CNTNAP3: variants seen among roughly 807,000 people sequenced by gnomAD.
CNTNAP3 encodes contactin associated protein family member 3.
In CNTNAP3, 36 loss-of-function variants were observed where a neutral mutation model predicts 92.1. The ratio of observed to expected loss-of-function variants is 0.39; its 90% CI spans 0.30 to 0.52. The LOEUF (loss-of-function observed/expected upper bound fraction) is 0.52. CNTNAP3 is among the 20% of genes least tolerant of loss of function. The pLI is 0.76. For missense variants in CNTNAP3, 534 were observed against 1,069.6 expected (o/e 0.50, Z 6.98); for synonymous variants, 232 against 422.3 (o/e 0.55, Z 5.53).
At chr9:39,077,080 T>A (rs1564066452) in intron 23 of CNTNAP3, among the ~76,000 whole-genome samples, 1 of 152,276 alleles carries the variant, frequency 6.6e-6, no homozygotes, top group South Asian at 2.1e-4. Flanking sequence ...AACATATTTT[T>A]AAGCTATGCT....
chr9:39,105,254 C>T (rs775725827), intron 15 of CNTNAP3, among the ~76,000 whole-genome samples: 61 of 152,146 alleles, frequency 4.0e-4, no homozygotes, highest in African/African-American at 1.3e-3. Context: ...GGTGAAACCC[C>T]GTCTCTACTA....
intron 13 of CNTNAP3, among the ~76,000 whole-genome samples, chr9:39,119,417 T>G (rs1171009908): frequency 1.3e-5 from 2 of 151,638 alleles, no homozygotes; most frequent in Admixed American, 6.6e-5. Context: ...CAGGAATCTT[T>G]TAAAAATGTG....
At chr9:39,252,938 A>G (rs191176263) in intron 2 of CNTNAP3, among the ~76,000 whole-genome samples, 1 of 4,550 alleles carries the variant, frequency 2.2e-4, no homozygotes, top group Non-Finnish European at 0.018. Context: ...GTACTGACAT[A>G]TGTGTGTGTG....
At chr9:39,128,752 G>A (rs1159602816) in intron 13 of CNTNAP3, among the ~76,000 whole-genome samples, 1 of 151,692 alleles carries the variant, frequency 6.6e-6, no homozygotes, top group African/African-American at 2.4e-5. Flanking sequence ...TCTACTTGCA[G>A]ATGACATGAT....
chr9:39,083,596 T>G (rs1337428103), intron 21 of CNTNAP3, among the ~76,000 whole-genome samples: 1 of 149,500 alleles, frequency 6.7e-6, no homozygotes, highest in Non-Finnish European at 1.5e-5. Flanking sequence ...GAGGCGGAGG[T>G]TGCAGTGAGC....
chr9:39,108,240 G>A lies in CNTNAP3; in HGVS notation c.2365+920C>T, dbSNP rs193248425. Among the ~76,000 whole-genome samples the A allele has an allele frequency of 3.1e-3, 464 of 152,062 alleles. 4 individuals carry two copies. The highest frequency in any genetic ancestry group is 0.011 in the African/African-American group (450 of 41,466). On this transcript the variant is annotated intron_variant, in intron 15 of 23. Transcript: ENST00000297668. ...ATGAGGAGCCCCCAGACAAGGGTCC[G>A]GGACTCCTTCATCAAGCAGGAGACA...
intron 21 of CNTNAP3, among the ~76,000 whole-genome samples, chr9:39,081,746 CTG>C (rs1244734973): frequency 6.6e-6 from 1 of 151,994 alleles, no homozygotes; most frequent in Non-Finnish European, 1.5e-5. Context: ...GTCTTCTACA[CTG>C]TGCAATACGG....
In CNTNAP3 at chr9:39,140,601, T is replaced by G; in HGVS notation, c.1794A>C (p.Arg598=). Residue 598 remains arginine (R), a synonymous_variant, in exon 12 of 24, where the codon CGA becomes CGC. Coordinates refer to ENST00000297668, the MANE Select transcript of CNTNAP3 (RefSeq NM_033655.5). ...YEQSCEAHKH[R]GNPSGLYYID... ...TATAGTAAAGCCCAGACGGGTTCCC[T>G]CGGTGCTTGTGGGCTTCACAAGACT... 1.2e-6 allele frequency: 2 copies of G among 1,613,524 alleles called. No homozygotes were observed. Among genetic ancestry groups the G allele is most frequent in the Non-Finnish European group, 1.7e-6 (2 of 1,179,732 alleles).
At chr9:39,084,000 CA>C (rs1826007753) in intron 21 of CNTNAP3, among the ~76,000 whole-genome samples, 1 of 150,972 alleles carries the variant, frequency 6.6e-6, no homozygotes, top group Non-Finnish European at 1.5e-5. Flanking sequence ...GATTTTGGAC[CA>C]TTTTTTTCTA....
intron 12 of CNTNAP3, among the ~76,000 whole-genome samples, chr9:39,137,179 C>CG (rs1229832997): frequency 7.9e-5 from 12 of 151,540 alleles, no homozygotes; most frequent in African/African-American, 2.7e-4. Flanking sequence ...TTTCTTTTTG[C>CG]GGGGGGTTGG....
Position 39,095,436 on chromosome 9 carries a change from T to C in CNTNAP3, c.2995+4475A>G, listed in dbSNP as rs188830420. Among the ~76,000 whole-genome samples the C allele has an allele frequency of 1.7e-3, 264 of 151,398 alleles. 4 individuals carry two copies. Among genetic ancestry groups the C allele is most frequent in the Non-Finnish European group, 3.1e-3 (211 of 67,572 alleles). On this transcript the variant is annotated intron_variant, in intron 18 of 23. Transcript: ENST00000297668. ...CGGAAGCTTTCACCATTGAGTATGATGTTAATTGCAGGTTTTTCATATATG... is the reference window on the plus strand; with the variant it reads ...CGGAAGCTTTCACCATTGAGTATGACGTTAATTGCAGGTTTTTCATATATG...
intron 14 of CNTNAP3, among the ~76,000 whole-genome samples, chr9:39,116,275 T>TG: frequency 6.6e-6 from 1 of 152,294 alleles, no homozygotes; most frequent in African/African-American, 2.4e-5. Flanking sequence ...CTGTAGAGAA[T>TG]GGGGGTGGGG....
chr9:39,142,755 T>C (rs1318076550), intron 11 of CNTNAP3, among the ~76,000 whole-genome samples: 1 of 152,066 alleles, frequency 6.6e-6, no homozygotes, highest in Non-Finnish European at 1.5e-5. Flanking sequence ...TGCTTCAATC[T>C]GTGAGAGTCA....
In CNTNAP3 at chr9:39,155,573, C is replaced by T. The variant is rs2118168370; in HGVS notation, c.1478-5596G>A. On this transcript the variant is annotated intron_variant, in intron 9 of 23. Transcript: ENST00000297668. ...AGGAAAAAGGTCACAGCCTCCATGG[C>T]TGTTAGATACTGAGACTCTTGGAAG... is the stretch of plus-strand genomic sequence containing the variant. 1.3e-5 allele frequency: 2 copies of T among 150,680 alleles called. 1 individual carries two copies. The highest frequency in any genetic ancestry group is 4.8e-5 in the African/African-American group (2 of 41,244). 9.3% of individuals were successfully genotyped at this position (150,680 alleles called of 1,614,324 possible). A position where few individuals can be genotyped will look rare whatever the true frequency, so the allele number is the denominator to read the frequency against.
At chr9:39,094,647 A>G (rs1826287275) in intron 18 of CNTNAP3, among the ~76,000 whole-genome samples, 1 of 151,484 alleles carries the variant, frequency 6.6e-6, no homozygotes, top group Admixed American at 6.6e-5. Flanking sequence ...TTAAACATCA[A>G]TTGACTGTAT....
chr9:39,123,146 G>A (rs1821075042), intron 13 of CNTNAP3, among the ~76,000 whole-genome samples: 1 of 147,904 alleles, frequency 6.8e-6, no homozygotes, highest in Admixed American at 6.8e-5. Context: ...CCAGGCTGGA[G>A]TGCAGTGGTG....
At chr9:39,153,668 C>T (rs551464211) in intron 9 of CNTNAP3, among the ~76,000 whole-genome samples, 21 of 50,542 alleles carry the variant, frequency 4.2e-4, no homozygotes, top group Middle Eastern at 6.1e-3. Context: ...AAGCAATTCT[C>T]CTGCCTCAGC....
chr9:39,120,970 C>T (rs1821005972), intron 13 of CNTNAP3, among the ~76,000 whole-genome samples: 1 of 151,924 alleles, frequency 6.6e-6, no homozygotes, highest in South Asian at 2.1e-4. Context: ...CCCAAATAGA[C>T]ATAAGGATTA....
intron 13 of CNTNAP3, among the ~76,000 whole-genome samples, chr9:39,121,535 T>C (rs1357365207): frequency 6.6e-6 from 1 of 152,136 alleles, no homozygotes; most frequent in African/African-American, 2.4e-5. Context: ...ACATTACTCC[T>C]AAAGCTGCAG....
Sources: allele counts gnomAD v4.1 joint callset (sites outside exome capture counted in the v4.1 genomes callset), GRCh38; gene constraint gnomAD v4.1.1; transcripts MANE v1.5; gene names NCBI Gene and HGNC (gene_info 2026-07-23, HGNC 2026-07-21).